The following GRM8 variants were observed in gnomAD, a reference collection of about 807,000 sequenced individuals.
The protein encoded by GRM8 is metabotropic glutamate receptor 8.
In GRM8, 47 loss-of-function variants were observed where a neutral mutation model predicts 87.2. The ratio of observed to expected loss-of-function variants is 0.54; its 90% CI spans 0.43 to 0.69. The LOEUF (loss-of-function observed/expected upper bound fraction) is 0.69. Ranked by LOEUF, GRM8 falls within the 30% of genes least tolerant of loss-of-function variation. The pLI is 0.00. For missense variants in GRM8, 1,019 were observed against 1,139.2 expected (o/e 0.89, Z 1.52); for synonymous variants, 396 against 404.5 (o/e 0.98, Z 0.25).
At chr7:126,963,009 A>C (rs1207426580) in intron 3 of GRM8, among the ~76,000 whole-genome samples, 2 of 152,218 alleles carry the variant, frequency 1.3e-5, no homozygotes, top group Admixed American at 1.3e-4. Context: ...ATACATATAC[A>C]TTACCTGTGT....
intron 3 of GRM8, among the ~76,000 whole-genome samples, chr7:127,020,912 G>A (rs1816199051): frequency 6.6e-6 from 1 of 152,018 alleles, no homozygotes; most frequent in African/African-American, 2.4e-5. Context: ...TTAAGTGGGA[G>A]AAAGGGCAAT....
At chr7:127,198,510 G>C (rs1274425458) in intron 2 of GRM8, among the ~76,000 whole-genome samples, 4 of 152,140 alleles carry the variant, frequency 2.6e-5, no homozygotes, top group Non-Finnish European at 5.9e-5. Context: ...AAAGCACCCT[G>C]TGCATAGTAA....
chr7:126,647,655 T>C (rs1803313566), intron 7 of GRM8, among the ~76,000 whole-genome samples: 1 of 152,144 alleles, frequency 6.6e-6, no homozygotes, highest in South Asian at 2.1e-4. Context: ...GTTGCTTACA[T>C]GAAGAATCTG....
At chr7:126,715,929 T>TA (rs1399235732) in intron 7 of GRM8, among the ~76,000 whole-genome samples, 14 of 152,220 alleles carry the variant, frequency 9.2e-5, no homozygotes, top group Admixed American at 3.3e-4. Context: ...ACCACCATGA[T>TA]AGGTTATTAA....
At chr7:127,106,441 AG>A (rs1587025348) in intron 3 of GRM8, 54 bp downstream of exon 3, 2 of 1,364,650 alleles carry the variant, frequency 1.5e-6, no homozygotes, top group East Asian at 4.6e-5. Flanking sequence ...GGAGATGCTC[AG>A]GCATCAGCAA....
intron 3 of GRM8, among the ~76,000 whole-genome samples, chr7:127,063,507 C>T (rs918506126): frequency 2.0e-5 from 3 of 152,096 alleles, no homozygotes; most frequent in Non-Finnish European, 1.5e-5. Context: ...ACCAGGGAGG[C>T]GGAGGTTGTA....
chr7:126,650,945 A>T (rs1803781186), intron 7 of GRM8, among the ~76,000 whole-genome samples: 1 of 152,030 alleles, frequency 6.6e-6, no homozygotes, highest in Non-Finnish European at 1.5e-5. Flanking sequence ...TGAGTGCCCG[A>T]TTTGCCAGAA....
chr7:126,589,853 C>T (rs1285487163), intron 8 of GRM8, among the ~76,000 whole-genome samples: 1 of 152,044 alleles, frequency 6.6e-6, no homozygotes, highest in Non-Finnish European at 1.5e-5. Context: ...AAGGGAGCAC[C>T]CCATGGGACA....
At chr7:126,822,713 A>G (rs1197808937) in intron 6 of GRM8, among the ~76,000 whole-genome samples, 1 of 151,682 alleles carries the variant, frequency 6.6e-6, no homozygotes, top group Non-Finnish European at 1.5e-5. Context: ...GGAATTATAG[A>G]CTCCTATCTC....
chr7:126,537,779 AAAACAAAC>A (rs368552091), intron 8 of GRM8, among the ~76,000 whole-genome samples: 1 of 152,122 alleles, frequency 6.6e-6, no homozygotes, highest in South Asian at 2.1e-4. Context: ...TCCGTCAAAA[AAAACAAAC>A]AAACAAACAA....
rs183497946 is a variant in GRM8 at position 126,716,084 on chromosome 7, T to C, written c.1357+53781A>G. ...TCCTCTAGAGCAGACAGACATATAG[T>C]AAGTGCTTAATAATACTCAGTTTGA... On this transcript the variant is annotated intron_variant, in intron 7 of 10. Transcript: ENST00000339582. 8.3e-4 allele frequency among the ~76,000 whole-genome samples: 127 copies of C among 152,338 alleles called. 1 individual carries two copies. Among genetic ancestry groups the C allele is most frequent in the African/African-American group, 3.0e-3 (123 of 41,574 alleles).
intron 8 of GRM8, among the ~76,000 whole-genome samples, chr7:126,558,691 T>C (rs1036509453): frequency 6.6e-6 from 1 of 152,208 alleles, no homozygotes; most frequent in African/African-American, 2.4e-5. Flanking sequence ...AGTCTTTACA[T>C]GTTTAGCACA....
chr7:126,767,538 C>T (rs934378081), intron 7 of GRM8, among the ~76,000 whole-genome samples: 3 of 151,966 alleles, frequency 2.0e-5, no homozygotes, highest in Admixed American at 6.6e-5. Context: ...ATCACATTGT[C>T]GGTCCCTTTA....
intron 6 of GRM8, among the ~76,000 whole-genome samples, chr7:126,842,628 T>C (rs542810207): frequency 2.0e-4 from 31 of 152,138 alleles, no homozygotes; most frequent in Non-Finnish European, 3.8e-4. Context: ...AGGCCCAATA[T>C]GATCACAAAG....
At chr7:126,917,761 G>A (rs563360875) in intron 3 of GRM8, among the ~76,000 whole-genome samples, 1 of 152,212 alleles carries the variant, frequency 6.6e-6, no homozygotes, top group South Asian at 2.1e-4. Context: ...ACATCAACAG[G>A]TAAGGTGGTA....
At chr7:126,658,619 T>C (rs1208696885) in intron 7 of GRM8, among the ~76,000 whole-genome samples, 1 of 151,692 alleles carries the variant, frequency 6.6e-6, no homozygotes, top group Non-Finnish European at 1.5e-5. Flanking sequence ...TAACAGTTTA[T>C]AAGAAGACCA....
chr7:127,007,809 G>A (rs969800206), intron 3 of GRM8, among the ~76,000 whole-genome samples: 4 of 152,000 alleles, frequency 2.6e-5, no homozygotes, highest in Non-Finnish European at 5.9e-5. Context: ...AGAAGTCAGA[G>A]ATGCCCCAAT....
At chr7:126,992,040 T>C (rs1812713261) in intron 3 of GRM8, among the ~76,000 whole-genome samples, 1 of 152,202 alleles carries the variant, frequency 6.6e-6, no homozygotes, top group African/African-American at 2.4e-5. Context: ...AGAACTTCTC[T>C]AATTGAAACA....
At chr7:126,584,842 A>G (rs1412184674) in intron 8 of GRM8, among the ~76,000 whole-genome samples, 1 of 147,978 alleles carries the variant, frequency 6.8e-6, no homozygotes, top group African/African-American at 2.5e-5. Context: ...CTGTGAGAGC[A>G]AAAAAAAAAA....
Sources: allele counts gnomAD v4.1 joint callset (sites outside exome capture counted in the v4.1 genomes callset), GRCh38; gene constraint gnomAD v4.1.1; transcripts MANE v1.5; gene names NCBI Gene and HGNC (gene_info 2026-07-23, HGNC 2026-07-21).